The following LARP4B variants were observed in gnomAD, a reference collection of about 807,000 sequenced individuals.
LARP4B encodes the protein la-related protein 4B.
In LARP4B, 12 loss-of-function variants were observed where a neutral mutation model predicts 89.8. The observed-to-expected ratio is 0.13, with a 90% CI of 0.09 to 0.22. The LOEUF (loss-of-function observed/expected upper bound fraction) is 0.22, where lower values mean the gene tolerates loss of function less well. LARP4B is among the 10% of genes least tolerant of loss of function. LARP4B has a pLI of 1.00. For missense variants in LARP4B, 757 were observed against 947.7 expected (o/e 0.80, Z 2.64); for synonymous variants, 367 against 363.3 (o/e 1.01, Z -0.12).
intron 8 of LARP4B, among the ~76,000 whole-genome samples, chr10:833,187 G>A (rs990169992): frequency 1.6e-4 from 20 of 127,314 alleles, no homozygotes; most frequent in African/African-American, 5.0e-4. Context: ...CACAATGGAA[G>A]TAGAAGAATT....
intron 3 of LARP4B, among the ~76,000 whole-genome samples, chr10:874,096 T>C (rs890969736): frequency 6.6e-6 from 1 of 152,048 alleles, no homozygotes; most frequent in Non-Finnish European, 1.5e-5. Flanking sequence ...TAGCTGAGCA[T>C]GGGAGTGTGT....
chr10:825,444 G>A (rs773720322), intron 12 of LARP4B, 128 bp from the exon 13 acceptor site: 5 of 917,454 alleles, frequency 5.4e-6, no homozygotes, highest in Non-Finnish European at 8.1e-6. Context: ...AATAGGATTT[G>A]GAATGGTTAA....
At position 842,921 on chromosome 10, in the gene LARP4B, C is replaced by T; in HGVS notation, c.646+11G>A. On this transcript the variant is annotated intron_variant, in intron 7 of 17. Transcript: ENST00000316157. ...GACAAGTATTATTAATTTAAATTGT[C>T]ATTTACTTACATCTTAGCACTTCCA... 1 of 1,611,862 alleles carries T rather than the reference C, an allele frequency of 6.2e-7. No individual in the cohort carries two copies. The highest frequency in any genetic ancestry group is 1.7e-5 in the Admixed American group (1 of 59,750).
At chr10:838,602 A>G (rs1029865122) in intron 7 of LARP4B, among the ~76,000 whole-genome samples, 1 of 152,110 alleles carries the variant, frequency 6.6e-6, no homozygotes, top group Admixed American at 6.5e-5. Flanking sequence ...ATCACAAACA[A>G]TGACACCACC....
chr10:834,975 G>C (rs1249165184), intron 8 of LARP4B, among the ~76,000 whole-genome samples: 1 of 151,488 alleles, frequency 6.6e-6, no homozygotes, highest in African/African-American at 2.4e-5. Flanking sequence ...GGGAGGTGGA[G>C]GTTGCAGTGA....
intron 8 of LARP4B, among the ~76,000 whole-genome samples, chr10:833,745 T>A (rs542307769): frequency 5.3e-5 from 8 of 152,070 alleles, no homozygotes; most frequent in African/African-American, 1.9e-4. Flanking sequence ...CAAAATTAGC[T>A]TGGCATGGTG....
chr10:901,620 A>G (rs1564438109), intron 1 of LARP4B, among the ~76,000 whole-genome samples: 1 of 152,162 alleles, frequency 6.6e-6, no homozygotes, highest in East Asian at 1.9e-4. Flanking sequence ...TTTTCGTTTC[A>G]TGTTCTTATA....
chr10:846,597 T>C (rs368098572), intron 5 of LARP4B, among the ~76,000 whole-genome samples: 3 of 152,070 alleles, frequency 2.0e-5, no homozygotes, highest in East Asian at 1.9e-4. Flanking sequence ...CAGAGGCCGG[T>C]GTGTGTGAGT....
chr10:919,370 A>T (rs1836917657), intron 1 of LARP4B, among the ~76,000 whole-genome samples: 1 of 152,154 alleles, frequency 6.6e-6, no homozygotes, highest in African/African-American at 2.4e-5. Flanking sequence ...GCCACGCAAA[A>T]GGCTTATAAG....
At chr10:844,763 G>C (rs1280390931) in intron 6 of LARP4B, among the ~76,000 whole-genome samples, 1 of 151,964 alleles carries the variant, frequency 6.6e-6, no homozygotes, top group Admixed American at 6.6e-5. Context: ...ATTCCAGACA[G>C]TGACCACCGA....
the LARP4B span, among the ~76,000 whole-genome samples, chr10:975,997 T>C: frequency 7.9e-6 from 1 of 126,760 alleles, no homozygotes; most frequent in African/African-American, 2.9e-5. Flanking sequence ...TCACGTAATG[T>C]GTGGACCCAG....
Position 830,987 on chromosome 10 carries a change from A to G in LARP4B, c.751-10T>C. ...ATAGTGCTTCTACTTCCTACAGGAA[A>G]TAGAGATGTTAGAAATTAATTCTCA... On this transcript the variant is annotated splice_polypyrimidine_tract_variant and intron_variant, in intron 8 of 17. Coordinates refer to ENST00000316157, the MANE Select transcript of LARP4B (RefSeq NM_015155.3). The G allele has an allele frequency of 2.0e-6, 2 of 981,510 alleles. No individual in the cohort carries two copies. Among genetic ancestry groups the G allele is most frequent in the Non-Finnish European group, 3.1e-6 (2 of 636,092 alleles). 60.8% of individuals were successfully genotyped at this position (981,510 alleles called of 1,614,324 possible).
At chr10:932,714 A>G (rs1005935839), upstream of LARP4B, among the ~76,000 whole-genome samples, 785 of 96,554 alleles carry the variant, frequency 8.1e-3, 2 homozygotes, top group Non-Finnish European at 0.013. Context: ...CCCAGGCCCC[A>G]GCCCTGTCCC....
intron 1 of LARP4B, among the ~76,000 whole-genome samples, chr10:899,435 C>T (rs146970818): frequency 6.6e-6 from 1 of 152,298 alleles, no homozygotes; most frequent in Non-Finnish European, 1.5e-5. Flanking sequence ...CATTCTATTG[C>T]CTTTTCCTGG....
intron 11 of LARP4B, among the ~76,000 whole-genome samples, chr10:827,824 A>G (rs933308266): frequency 2.0e-5 from 3 of 152,262 alleles, no homozygotes; most frequent in African/African-American, 7.2e-5. Flanking sequence ...AGGTTCTCTC[A>G]TGATATGCTT....
intron 7 of LARP4B, among the ~76,000 whole-genome samples, chr10:838,940 A>T (rs1021803310): frequency 7.2e-5 from 11 of 152,216 alleles, no homozygotes; most frequent in African/African-American, 2.2e-4. Flanking sequence ...CTAAAAAGAA[A>T]TGATCTATCA....
At chr10:914,749 C>T (rs1028288737) in intron 1 of LARP4B, among the ~76,000 whole-genome samples, 2 of 151,196 alleles carry the variant, frequency 1.3e-5, no homozygotes, top group African/African-American at 2.4e-5. Flanking sequence ...TGCAGTGAGC[C>T]GAGATCATGC....
Position 847,751 on chromosome 10 carries a change from G to A in LARP4B, c.431-2696C>T, listed in dbSNP as rs191453926. Among the ~76,000 whole-genome samples the A allele has an allele frequency of 5.5e-3, 842 of 152,134 alleles. 8 individuals are homozygous for A. Among genetic ancestry groups the A allele is most frequent in the African/African-American group, 0.019 (790 of 41,494 alleles). ...TCACCATGTTGGTCAGGCTGGTCTC[G>A]AACTCCTGCCCTCGTGATCTGCCCA... On this transcript the variant is annotated intron_variant, in intron 5 of 17. Transcript: ENST00000316157.
intron 1 of LARP4B, among the ~76,000 whole-genome samples, chr10:911,768 C>T (rs1328136677): frequency 6.6e-6 from 1 of 152,146 alleles, no homozygotes; most frequent in Non-Finnish European, 1.5e-5. Context: ...CTCCCTTTTG[C>T]ATTGCGCTGT....
Sources: gnomAD v4.1 joint callset for allele counts (sites outside exome capture counted in the v4.1 genomes callset) on GRCh38, gnomAD v4.1.1 for gene constraint, MANE v1.5 for transcripts, NCBI Gene and HGNC (gene_info 2026-07-23, HGNC 2026-07-21) for gene names.